Variants in KDELR2 observed in about 807,000 individuals in gnomAD.
The protein encoded by KDELR2 is KDEL endoplasmic reticulum protein retention receptor 2.
In KDELR2, 15 loss-of-function variants were observed where a neutral mutation model predicts 23.9. That is an observed-to-expected ratio of 0.63 (90% CI 0.42 to 0.97). The LOEUF (loss-of-function observed/expected upper bound fraction) is 0.97, where lower values mean the gene tolerates loss of function less well. KDELR2 is among the 50% of genes least tolerant of loss of function. The pLI is 0.00. For missense variants in KDELR2, 272 were observed against 254.6 expected (o/e 1.07, Z -0.46); for synonymous variants, 119 against 106.2 (o/e 1.12, Z -0.74).
At position 6,461,572 on chromosome 7, in the gene KDELR2, A is replaced by G. The variant is rs1267630631; in HGVS notation, c.*1569T>C. ...TGCTCTGATACACAAAAGCCAAAACATAAGACAAGGAGGGAAGAGTAAAAT... is the reference window on the plus strand; with the variant it reads ...TGCTCTGATACACAAAAGCCAAAACGTAAGACAAGGAGGGAAGAGTAAAAT... On this transcript the variant is annotated 3_prime_UTR_variant, in exon 5 of 5. Coordinates refer to ENST00000258739, the MANE Select transcript of KDELR2 (RefSeq NM_006854.4). The G allele has an allele frequency of 1.3e-5, 2 of 151,982 alleles. No individual in the cohort carries two copies. The highest frequency in any genetic ancestry group is 1.9e-4 in the East Asian group (1 of 5,172). 9.4% of individuals were successfully genotyped at this position (151,982 alleles called of 1,614,324 possible).
chr7:6,477,055 T>C (rs546874089), intron 1 of KDELR2, among the ~76,000 whole-genome samples: 1 of 152,336 alleles, frequency 6.6e-6, no homozygotes, highest in Admixed American at 6.5e-5. Context: ...TCTCATTTTG[T>C]GGTATTTTGG....
intron 2 of KDELR2, 32 bp from the exon 3 acceptor site, chr7:6,469,786 A>G: frequency 6.3e-7 from 1 of 1,577,698 alleles, no homozygotes; most frequent in Non-Finnish European, 8.6e-7. Flanking sequence ...CCAGGTGTCA[A>G]TACCTTGCCA....
Position 6,483,334 on chromosome 7 carries a change from C to G in KDELR2, c.91+633G>C, listed in dbSNP as rs115435732. Among the ~76,000 whole-genome samples the G allele has an allele frequency of 7.6e-3, 1,140 of 149,238 alleles. 14 individuals carry two copies. Among genetic ancestry groups the G allele is most frequent in the African/African-American group, 0.027 (1,103 of 41,054 alleles). On this transcript the variant is annotated intron_variant, in intron 1 of 4. Transcript: ENST00000258739. ...ATCACTGACGACCTCTCGGCAAGCC[C>G]CTCCCCAGCGGTGTGATCCTGGACC...
Position 6,468,477 on chromosome 7 carries a change from C to T in KDELR2, c.351+1119G>A, listed in dbSNP as rs529391700. Among the ~76,000 whole-genome samples, 5 of 151,088 alleles carry T rather than the reference C, an allele frequency of 3.3e-5. No homozygotes were observed. The East Asian group carries it at 5.9e-4, about 18-fold the overall frequency. ...CTGAGTAGCTGGGATTACAGGCGTG[C>T]GATACCACACCCAGCTAATTTTTGA... On this transcript the variant is annotated intron_variant, in intron 3 of 4. Transcript: ENST00000258739.
chr7:6,471,213 G>A (rs1322443895), intron 2 of KDELR2, among the ~76,000 whole-genome samples: 3 of 103,108 alleles, frequency 2.9e-5, no homozygotes, highest in African/African-American at 3.8e-5. Flanking sequence ...ATGGAGTCTC[G>A]CTCTGTCGCC....
chr7:6,472,104 G>T (rs1253797405), intron 2 of KDELR2, among the ~76,000 whole-genome samples: 1 of 152,144 alleles, frequency 6.6e-6, no homozygotes, highest in South Asian at 2.1e-4. Flanking sequence ...TGTTGGCCAG[G>T]ATGGTCTCGA....
In KDELR2 at chr7:6,472,882, C is replaced by G. The variant is rs1022700826; in HGVS notation, c.192+1302G>C. ...AGAAATCAGACTCCTATTACATATC[C>G]TGAGAGCCCCTGTTCTTTTTTTTTT... On this transcript the variant is annotated intron_variant, in intron 2 of 4. Transcript: ENST00000258739. Among the ~76,000 whole-genome samples the G allele has an allele frequency of 6.1e-5, 9 of 148,642 alleles. No individual in the cohort carries two copies. The South Asian group carries it at 1.9e-3, about 31-fold the overall frequency.
intron 1 of KDELR2, among the ~76,000 whole-genome samples, chr7:6,479,679 G>A (rs778750553): frequency 3.3e-5 from 5 of 152,034 alleles, no homozygotes; most frequent in Non-Finnish European, 5.9e-5. Context: ...GGGTTTCACC[G>A]TGTTAGCCAG....
intron 3 of KDELR2, among the ~76,000 whole-genome samples, chr7:6,468,460 C>G (rs1003100756): frequency 6.6e-6 from 1 of 152,100 alleles, no homozygotes; most frequent in Non-Finnish European, 1.5e-5. Context: ...TCCTGAGTAG[C>G]TGGGATTACA....
At chr7:6,467,834 G>C (rs1334559085) in intron 3 of KDELR2, among the ~76,000 whole-genome samples, 1 of 152,172 alleles carries the variant, frequency 6.6e-6, no homozygotes, top group Non-Finnish European at 1.5e-5. Context: ...ATCGGCCCCA[G>C]GATGTGAAGC....
rs187455219 is a variant in KDELR2, at chr7:6,467,542, C to T, written c.352-1219G>A. Among the ~76,000 whole-genome samples the T allele has an allele frequency of 4.1e-3, 622 of 152,206 alleles. 9 individuals are homozygous for T. Among genetic ancestry groups the T allele is most frequent in the Non-Finnish European group, 8.0e-3 (543 of 68,020 alleles). ...TTGGGAAGCCGAGACAGGCAGATCACCTGAGATCAGGAATTCAAGACCAGC... is the reference window on the plus strand; with the variant it reads ...TTGGGAAGCCGAGACAGGCAGATCATCTGAGATCAGGAATTCAAGACCAGC... On this transcript the variant is annotated intron_variant, in intron 3 of 4. Coordinates refer to ENST00000258739, the MANE Select transcript of KDELR2 (RefSeq NM_006854.4).
intron 1 of KDELR2, chr7:6,482,492 C>A: frequency 4.4e-6 from 2 of 449,732 alleles, no homozygotes; most frequent in Non-Finnish European, 9.3e-6. Flanking sequence ...AACACACTGG[C>A]ACATGGACTT....
Position 6,462,533 on chromosome 7 carries a change from T to G in KDELR2, c.*608A>C, listed in dbSNP as rs1785410322. ...ATTCAGAATCTTAAAATGTTGGTAA[T>G]GAAAACCATGGACCTCCAAGTCATC... On this transcript the variant is annotated 3_prime_UTR_variant, in exon 5 of 5. Coordinates refer to ENST00000258739, the MANE Select transcript of KDELR2 (RefSeq NM_006854.4). 1 of 159,330 alleles carries G rather than the reference T, an allele frequency of 6.3e-6. No individual in the cohort carries two copies. Among genetic ancestry groups the G allele is most frequent in the Non-Finnish European group, 1.4e-5 (1 of 72,794 alleles). 9.9% of individuals were successfully genotyped at this position (159,330 alleles called of 1,614,324 possible). A position where few individuals can be genotyped will look rare whatever the true frequency, so the allele number is the denominator to read the frequency against.
At chr7:6,469,532 C>T in intron 3 of KDELR2, 64 bp downstream of exon 3, 1 of 1,532,860 alleles carries the variant, frequency 6.5e-7, no homozygotes, top group South Asian at 1.2e-5. Flanking sequence ...CCTCGGCCTC[C>T]CAAAATGCTG....
intron 3 of KDELR2, among the ~76,000 whole-genome samples, chr7:6,468,531 C>T (rs141153640): frequency 0.027 from 4,004 of 150,860 alleles, 187 homozygotes; most frequent in African/African-American, 0.092. Context: ...TTTGAGACAG[C>T]GTCTCGCTCT....
Position 6,464,286 on chromosome 7 carries a change from T to G in KDELR2, c.605-1111A>C, listed in dbSNP as rs1446330706. On this transcript the variant is annotated intron_variant, in intron 4 of 4. Transcript: ENST00000258739. ...CTGTAATCCCAATACTTTGGGAGGC[T>G]GAGGTGTGCGGATCACGAGGTTGGG... 2.3e-5 allele frequency among the ~76,000 whole-genome samples: 3 copies of G among 133,258 alleles called. No homozygotes were observed. In the Admixed American group the frequency reaches 2.4e-4, roughly 11 times the overall value. 87.4% of individuals were successfully genotyped at this position (133,258 alleles called of 152,430 possible). A position where few individuals can be genotyped will look rare whatever the true frequency, so the allele number is the denominator to read the frequency against.
chr7:6,484,096 C>T lies in KDELR2; in HGVS notation c.-39G>A. The T allele has an allele frequency of 7.2e-7, 1 of 1,395,230 alleles. No individual in the cohort carries two copies. Among genetic ancestry groups the T allele is most frequent in the East Asian group, 3.3e-5 (1 of 30,504 alleles). The allele number at this position is 1,395,230 out of a possible 1,614,324, so 86.4% of individuals were successfully genotyped here. A position where few individuals can be genotyped will look rare whatever the true frequency, so the allele number is the denominator to read the frequency against. ...GTGGCGGTCGGCGCAGCGCGGCGGC[C>T]CCGGGGCTGGGCGGCTCAGGAGGCG... On this transcript the variant is annotated 5_prime_UTR_variant, in exon 1 of 5. Coordinates refer to ENST00000258739, the MANE Select transcript of KDELR2 (RefSeq NM_006854.4).
At chr7:6,464,601 A>G (rs1785460001) in intron 4 of KDELR2, among the ~76,000 whole-genome samples, 1 of 152,162 alleles carries the variant, frequency 6.6e-6, no homozygotes, top group East Asian at 1.9e-4. Flanking sequence ...CTGAGACAGC[A>G]GACTCGCTTG....
In KDELR2 at chr7:6,462,915, G is replaced by A. The variant is rs767012520; in HGVS notation, c.*226C>T. On this transcript the variant is annotated 3_prime_UTR_variant, in exon 5 of 5. Coordinates refer to ENST00000258739, the MANE Select transcript of KDELR2 (RefSeq NM_006854.4). Reference sequence around the variant, plus strand: ...TATTAATACAGCATTAAGTTTCTTTGTGTAAAAAAATCTTTGTACACAGTA... The same window carrying A: ...TATTAATACAGCATTAAGTTTCTTTATGTAAAAAAATCTTTGTACACAGTA... The A allele has an allele frequency of 2.1e-6, 3 of 1,442,136 alleles. No homozygotes were observed. Among genetic ancestry groups the A allele is most frequent in the Non-Finnish European group, 2.8e-6 (3 of 1,061,402 alleles). 89.3% of individuals were successfully genotyped at this position (1,442,136 alleles called of 1,614,324 possible).
Sources: allele counts gnomAD v4.1 joint callset (sites outside exome capture counted in the v4.1 genomes callset), GRCh38; gene constraint gnomAD v4.1.1; transcripts MANE v1.5; gene names NCBI Gene and HGNC (gene_info 2026-07-23, HGNC 2026-07-21).